RBFOX1: variants seen among roughly 807,000 people sequenced by gnomAD.
RBFOX1 encodes RNA binding fox-1 homolog 1.
In RBFOX1, 8 loss-of-function variants were observed where a neutral mutation model predicts 57.7. That is an observed-to-expected ratio of 0.14 (90% confidence interval 0.08 to 0.25). The LOEUF is 0.25. Ranked by LOEUF, RBFOX1 falls within the 10% of genes least tolerant of loss-of-function variation. The pLI, the probability that RBFOX1 is intolerant of heterozygous loss-of-function variation, is 1.00. For missense variants in RBFOX1, 611 were observed against 548.5 expected, an observed-to-expected ratio of 1.11 and a Z score of -1.14; for synonymous variants, 326 against 222.4, an observed-to-expected ratio of 1.47 and a Z score of -4.15.
At chr16:6,875,171 A>G (rs1157931689) in intron 3 of RBFOX1, among the ~76,000 whole-genome samples, 1 of 152,222 alleles carries the variant, frequency 6.6e-6, no homozygotes, top group Non-Finnish European at 1.5e-5. Context: ...GCTTGTGCAC[A>G]TAATCATCTT....
At chr16:6,900,528 C>T (rs927218908) in intron 3 of RBFOX1, among the ~76,000 whole-genome samples, 1 of 152,206 alleles carries the variant, frequency 6.6e-6, no homozygotes, top group African/African-American at 2.4e-5. Context: ...CTGCCCTTCT[C>T]TCAACACTCA....
intron 4 of RBFOX1, among the ~76,000 whole-genome samples, chr16:7,509,201 T>G (rs1473251238): frequency 6.6e-6 from 1 of 152,226 alleles, no homozygotes; most frequent in African/African-American, 2.4e-5. Context: ...CCCTGTACTT[T>G]TTCTTGATAG....
At chr16:6,753,669 C>G (rs1474622915) in intron 3 of RBFOX1, among the ~76,000 whole-genome samples, 3 of 152,188 alleles carry the variant, frequency 2.0e-5, no homozygotes, top group Non-Finnish European at 1.5e-5. Context: ...CCTTCCTTTT[C>G]TGTCTCCCCG....
At chr16:6,602,187 A>G (rs1250965934) in intron 2 of RBFOX1, among the ~76,000 whole-genome samples, 1 of 151,584 alleles carries the variant, frequency 6.6e-6, no homozygotes, top group Non-Finnish European at 1.5e-5. Flanking sequence ...CTGCTGTTGA[A>G]TTTTAGGAGT....
chr16:5,358,847 C>T (rs753281655), intron 1 of RBFOX1, among the ~76,000 whole-genome samples: 1 of 152,070 alleles, frequency 6.6e-6, no homozygotes, highest in Non-Finnish European at 1.5e-5. Flanking sequence ...AAAAAAAGTG[C>T]AATTCAGTCA....
intron 4 of RBFOX1, among the ~76,000 whole-genome samples, chr16:7,472,020 G>C (rs1184262344): frequency 6.6e-6 from 1 of 152,154 alleles, no homozygotes; most frequent in East Asian, 1.9e-4. Flanking sequence ...AACAATTGGT[G>C]AACACACTTT....
chr16:5,317,052 G>T (rs981853485), intron 1 of RBFOX1, among the ~76,000 whole-genome samples: 1 of 152,136 alleles, frequency 6.6e-6, no homozygotes, highest in African/African-American at 2.4e-5. Context: ...GACTTGCACC[G>T]ATAGCCTCCT....
intron 3 of RBFOX1, among the ~76,000 whole-genome samples, chr16:5,835,347 A>G (rs1182046921): frequency 6.6e-6 from 1 of 152,238 alleles, no homozygotes; most frequent in Admixed American, 6.5e-5. Context: ...ACAGCATTGC[A>G]GAGCCTGAAG....
intron 4 of RBFOX1, among the ~76,000 whole-genome samples, chr16:7,368,106 A>C (rs1482616735): frequency 6.6e-6 from 1 of 152,030 alleles, no homozygotes; most frequent in Non-Finnish European, 1.5e-5. Flanking sequence ...ATCTTTACTA[A>C]AAATACTAAA....
intron 4 of RBFOX1, among the ~76,000 whole-genome samples, chr16:7,124,145 A>G (rs1465903271): frequency 1.3e-5 from 2 of 152,220 alleles, no homozygotes; most frequent in African/African-American, 4.8e-5. Context: ...TGTACATAAA[A>G]TAAAAGCTGG....
chr16:5,538,511 G>T (rs1488520088), intron 2 of RBFOX1, among the ~76,000 whole-genome samples: 1 of 152,116 alleles, frequency 6.6e-6, no homozygotes, highest in Non-Finnish European at 1.5e-5. Flanking sequence ...CTGGCTTGAG[G>T]TTGGACAGGC....
intron 2 of RBFOX1, among the ~76,000 whole-genome samples, chr16:5,567,263 G>A (rs974391434): frequency 3.9e-5 from 6 of 152,174 alleles, no homozygotes; most frequent in Non-Finnish European, 5.9e-5. Flanking sequence ...ATGTGGACAC[G>A]TGCAGCTCAG....
intron 1 of RBFOX1, among the ~76,000 whole-genome samples, chr16:6,293,851 A>G (rs1020917217): frequency 1.3e-5 from 2 of 148,834 alleles, no homozygotes; most frequent in Non-Finnish European, 3.0e-5. Flanking sequence ...TCATATGCCA[A>G]TGTTCCTGGA....
At chr16:5,340,762 G>A (rs1023967795) in intron 1 of RBFOX1, among the ~76,000 whole-genome samples, 17 of 152,168 alleles carry the variant, frequency 1.1e-4, no homozygotes, top group African/African-American at 4.1e-4. Flanking sequence ...CCAAAATGCT[G>A]GAGACACCGT....
At chr16:6,436,807 C>T (rs1192121336) in intron 2 of RBFOX1, among the ~76,000 whole-genome samples, 1 of 151,882 alleles carries the variant, frequency 6.6e-6, no homozygotes, top group African/African-American at 2.4e-5. Context: ...CAAAATGGTA[C>T]ACGTATATTG....
At chr16:5,733,470 G>A (rs770215370) in intron 3 of RBFOX1, among the ~76,000 whole-genome samples, 1 of 152,172 alleles carries the variant, frequency 6.6e-6, no homozygotes, top group Non-Finnish European at 1.5e-5. Context: ...CTCCCGAGCA[G>A]CAGTGCTGTC....
intron 1 of RBFOX1, among the ~76,000 whole-genome samples, chr16:5,336,198 A>G (rs1229926953): frequency 1.3e-5 from 2 of 152,194 alleles, no homozygotes; most frequent in African/African-American, 2.4e-5. Context: ...ACAGAAAGCC[A>G]GGTCTGCTGC....
chr16:6,666,880 A>G (rs144587465), intron 3 of RBFOX1, among the ~76,000 whole-genome samples: 73 of 152,204 alleles, frequency 4.8e-4, no homozygotes, highest in Non-Finnish European at 7.9e-4. Flanking sequence ...GGGGTCCTCA[A>G]TGAGTCTGCT....
intron 3 of RBFOX1, among the ~76,000 whole-genome samples, chr16:6,731,616 T>C (rs1186375951): frequency 6.6e-6 from 1 of 152,148 alleles, no homozygotes; most frequent in Non-Finnish European, 1.5e-5. Context: ...CTAATGGCTC[T>C]TGGGAGCTGG....
Sources: allele counts gnomAD v4.1 joint callset (sites outside exome capture counted in the v4.1 genomes callset), GRCh38; gene constraint gnomAD v4.1.1; transcripts MANE v1.5; gene names NCBI Gene and HGNC (gene_info 2026-07-23, HGNC 2026-07-21).